TCF3: variants seen among roughly 807,000 people sequenced by gnomAD.
TCF3 encodes the protein transcription factor 3.
Under a neutral mutation model 72.3 loss-of-function variants are expected in TCF3, and 54 were observed. The ratio of observed to expected loss-of-function variants is 0.75; its 90% confidence interval spans 0.60 to 0.94. The LOEUF (loss-of-function observed/expected upper bound fraction) is 0.94. Ranked by LOEUF, TCF3 falls within the 40% of genes least tolerant of loss-of-function variation. The probability of loss-of-function intolerance (pLI) is 0.00; values close to 1 mark genes in which losing one functional copy is unlikely to be tolerated. For synonymous variants in TCF3, 525 were observed against 412.6 expected, an observed-to-expected ratio of 1.27 and a Z score of -3.30; for missense variants, 1,078 against 934.4, an observed-to-expected ratio of 1.15 and a Z score of -2.00.
intron 1 of TCF3, among the ~76,000 whole-genome samples, chr19:1,651,669 G>T (rs989030445): frequency 6.6e-6 from 1 of 151,998 alleles, no homozygotes; most frequent in African/African-American, 2.4e-5. Flanking sequence ...TTCCCGGGGG[G>T]AGGCGGCCCG....
chr19:1,629,300 T>C (rs1003744714), intron 5 of TCF3, among the ~76,000 whole-genome samples: 1 of 151,168 alleles, frequency 6.6e-6, no homozygotes, highest in Non-Finnish European at 1.5e-5. Context: ...CCGGGGCCTG[T>C]GCACACCGCA....
rs545113733 is a variant in TCF3, at chr19:1,611,097, A to G, written c.*610T>C. On this transcript the variant is annotated 3_prime_UTR_variant, in exon 19 of 19. Transcript: ENST00000262965. ...TTGTTGCTTACAAAACATATGCAAA[A>G]AAAGCTTAAAAAAACCAGAGACCAA... 179 of 232,684 alleles carry G rather than the reference A, an allele frequency of 7.7e-4. 2 individuals are homozygous for G. Among genetic ancestry groups the G allele is most frequent in the South Asian group, 7.2e-4 (4 of 5,522 alleles). 14.4% of individuals were successfully genotyped at this position (232,684 alleles called of 1,614,324 possible).
At chr19:1,629,958 C>T (rs946987290) in intron 5 of TCF3, among the ~76,000 whole-genome samples, 7 of 152,126 alleles carry the variant, frequency 4.6e-5, no homozygotes, top group African/African-American at 7.2e-5. Flanking sequence ...GTCACTCGCC[C>T]GGCTCCTCGG....
At chr19:1,640,834 G>T (rs1259636649) in intron 3 of TCF3, among the ~76,000 whole-genome samples, 1 of 149,720 alleles carries the variant, frequency 6.7e-6, no homozygotes, top group Non-Finnish European at 1.5e-5. Context: ...GTAAATTGTT[G>T]TATTACTGAT....
chr19:1,638,638 G>A (rs974714456), intron 3 of TCF3, among the ~76,000 whole-genome samples: 2 of 152,186 alleles, frequency 1.3e-5, no homozygotes, highest in Non-Finnish European at 2.9e-5. Flanking sequence ...GGGCAGATGC[G>A]ATTTCACTTC....
chr19:1,646,378 G>A lies in TCF3; in HGVS notation c.122C>T (p.Ala41Val), dbSNP rs1164093592. The A allele has an allele frequency of 3.2e-6, 5 of 1,550,312 alleles. No homozygotes were observed. Among genetic ancestry groups the A allele is most frequent in the Admixed American group, 3.9e-5 (2 of 50,984 alleles). The part of the protein sequence containing the change: ...TNGKGRPASL[A>V]GAQFGGSGLE... Reference sequence around the variant, plus strand: ...ACCTGAACCTCCGAACTGCGCCCCGGCCAGGGAGGCGGGCCGGCCCTTCCC... The same window carrying A: ...ACCTGAACCTCCGAACTGCGCCCCGACCAGGGAGGCGGGCCGGCCCTTCCC... The change falls in exon 3 of 19, where the codon GCC becomes GTC. Residue 41 changes from alanine to valine, a missense_variant. Physicochemically the swap from Ala to Val is moderately conservative, Grantham distance 64. Coordinates refer to ENST00000262965, the MANE Select transcript of TCF3 (RefSeq NM_003200.5).
chr19:1,622,004 T>A (rs770179552), intron 10 of TCF3, 34 bp from the exon 11 acceptor site: 32 of 1,599,294 alleles, frequency 2.0e-5, no homozygotes, highest in Non-Finnish European at 2.6e-5. Flanking sequence ...GTGGGTTAGA[T>A]GGGCACTGCC....
At chr19:1,624,368 C>A (rs149945880) in intron 7 of TCF3, among the ~76,000 whole-genome samples, 69 of 152,272 alleles carry the variant, frequency 4.5e-4, no homozygotes, top group African/African-American at 1.4e-3. Context: ...TGCACTCCAG[C>A]CTGGGGACAG....
chr19:1,629,235 G>A (rs1423486617), intron 5 of TCF3, among the ~76,000 whole-genome samples: 1 of 151,972 alleles, frequency 6.6e-6, no homozygotes, highest in Non-Finnish European at 1.5e-5. Flanking sequence ...GGGTGCTGGG[G>A]TCAGAGGCAT....
At position 1,610,062 on chromosome 19, in the gene TCF3, T is replaced by C; in HGVS notation, c.*1645A>G. On this transcript the variant is annotated 3_prime_UTR_variant, in exon 19 of 19. Coordinates refer to ENST00000262965, the MANE Select transcript of TCF3 (RefSeq NM_003200.5). ...GGATGGGATCCCAGGGTAGGAGACT[T>C]GCAGTTTTAAACCCAAGACAGTCCC... 4.3e-6 allele frequency: 1 copy of C among 232,424 alleles called. No homozygotes were observed. The highest frequency in any genetic ancestry group is 6.1e-5 in the East Asian group (1 of 16,496). 14.4% of individuals were successfully genotyped at this position (232,424 alleles called of 1,614,324 possible).
chr19:1,639,974 A>G (rs185035966), intron 3 of TCF3, among the ~76,000 whole-genome samples: 52 of 152,306 alleles, frequency 3.4e-4, no homozygotes, highest in Non-Finnish European at 6.3e-4. Flanking sequence ...CAATTGATCA[A>G]TATCGATTTG....
chr19:1,611,195 TA>T lies in TCF3; in HGVS notation c.*511del, dbSNP rs1199145473. The T allele has an allele frequency of 5.1e-5, 13 of 256,070 alleles. No homozygotes were observed. Among genetic ancestry groups the T allele is most frequent in the East Asian group, 1.2e-4 (2 of 17,142 alleles). The allele number at this position is 256,070 out of a possible 1,614,324, so 15.9% of individuals were successfully genotyped here. ...TTGTAACTAATGTTTTTATTTTCCTTAAAAAAAATATTTCGCTTAGGCACAA... is the reference window on the plus strand; with the variant it reads ...TTGTAACTAATGTTTTTATTTTCCTTAAAAAAATATTTCGCTTAGGCACAA... On this transcript the variant is annotated 3_prime_UTR_variant, in exon 19 of 19. Coordinates refer to ENST00000262965, the MANE Select transcript of TCF3 (RefSeq NM_003200.5).
intron 16 of TCF3, 102 bp downstream of exon 16, chr19:1,619,009 G>A: frequency 6.4e-7 from 1 of 1,554,886 alleles, no homozygotes; most frequent in Non-Finnish European, 8.6e-7. Flanking sequence ...TGCCCCCACG[G>A]TGACACCTGC....
chr19:1,651,404 TC>T (rs2067021881), intron 1 of TCF3: 1 of 227,166 alleles, frequency 4.4e-6, no homozygotes. Context: ...GCGCAGCCCC[TC>T]CCCCGCTCAG....
chr19:1,630,729 C>T (rs1207379455), intron 5 of TCF3, among the ~76,000 whole-genome samples: 3 of 152,210 alleles, frequency 2.0e-5, no homozygotes, highest in Non-Finnish European at 4.4e-5. Context: ...ACAAATTCCA[C>T]AGCTGAGGCA....
At position 1,621,183 on chromosome 19, in the gene TCF3, C is replaced by T; in HGVS notation, c.964G>A (p.Gly322Arg). 1.3e-6 allele frequency: 2 copies of T among 1,536,574 alleles called. No homozygotes were observed. The highest frequency in any genetic ancestry group is 1.7e-6 in the Non-Finnish European group (2 of 1,146,160). Residue 322 changes from glycine (G) to arginine (R), a missense_variant, in exon 12 of 19, where the codon GGG becomes AGG. Coordinates refer to ENST00000262965, the MANE Select transcript of TCF3 (RefSeq NM_003200.5). Reference protein sequence around the residue: ...SGADSLLGSRGTTAGSSGDAL... With the variant: ...SGADSLLGSRRTTAGSSGDAL... ...TCCCCGGAGCTGCCAGCTGTGGTCCCTCGGGAGCCTGTGGGTGAAGAGAGG... is the reference window on the plus strand; with the variant it reads ...TCCCCGGAGCTGCCAGCTGTGGTCCTTCGGGAGCCTGTGGGTGAAGAGAGG...
intron 7 of TCF3, among the ~76,000 whole-genome samples, chr19:1,624,275 A>G (rs2062614272): frequency 6.6e-6 from 1 of 152,126 alleles, no homozygotes; most frequent in Non-Finnish European, 1.5e-5. Flanking sequence ...GGGTGCCTAT[A>G]ATTCCAGCTA....
Position 1,611,585 on chromosome 19 carries a change from C to T in TCF3, c.*122G>A. The T allele has an allele frequency of 7.3e-7, 1 of 1,377,762 alleles. No individual in the cohort carries two copies. The highest frequency in any genetic ancestry group is 9.7e-7 in the Non-Finnish European group (1 of 1,030,252). 85.3% of individuals were successfully genotyped at this position (1,377,762 alleles called of 1,614,324 possible). Reference sequence around the variant, plus strand: ...CCGAACCTTGTCAGGTTGGTGTTGGCTCGATGCTGACAACAGGTGTGTGAG... The same window carrying T: ...CCGAACCTTGTCAGGTTGGTGTTGGTTCGATGCTGACAACAGGTGTGTGAG... On this transcript the variant is annotated 3_prime_UTR_variant, in exon 19 of 19. Transcript: ENST00000262965.
At chr19:1,649,833 C>A (rs2066723409) in intron 2 of TCF3, among the ~76,000 whole-genome samples, 1 of 152,136 alleles carries the variant, frequency 6.6e-6, no homozygotes, top group Non-Finnish European at 1.5e-5. Context: ...GGTAAGCGAC[C>A]CTGATCAGGC....
Sources: gnomAD v4.1 joint callset for allele counts (sites outside exome capture counted in the v4.1 genomes callset) on GRCh38, gnomAD v4.1.1 for gene constraint, MANE v1.5 for transcripts, NCBI Gene and HGNC (gene_info 2026-07-23, HGNC 2026-07-21) for gene names.